The following FAM20C variants were observed in gnomAD, a reference collection of about 807,000 sequenced individuals.
FAM20C encodes FAM20C golgi associated secretory pathway kinase.
In FAM20C, 40 loss-of-function variants were observed where a neutral mutation model predicts 51.5. That is an observed-to-expected ratio of 0.78 (90% CI 0.60 to 1.01). The LOEUF is 1.01. Among genes scored for constraint, FAM20C ranks in the 50% least tolerant of loss-of-function variants. The pLI, the probability that FAM20C is intolerant of heterozygous loss-of-function variation, is 0.00. For missense variants in FAM20C, 861 were observed against 844.7 expected (o/e 1.02, Z -0.24); for synonymous variants, 406 against 380.6 (o/e 1.07, Z -0.78).
In FAM20C at chr7:229,452, G is replaced by A. The variant is rs184876901; in HGVS notation, c.864-16963G>A. On this transcript the variant is annotated intron_variant, in intron 3 of 9. Transcript: ENST00000313766. ...GCTGCAGCTGGTCCAGGTCCTGGCC[G>A]AGCCCAATGGGGCCCCTCCTGCCTG... The A allele has an allele frequency of 8.3e-3, 1,333 of 160,004 alleles. 22 individuals carry two copies. The highest frequency in any genetic ancestry group is 0.029 in the African/African-American group (1,198 of 41,588). 9.9% of individuals were successfully genotyped at this position (160,004 alleles called of 1,614,324 possible).
At position 248,531 on chromosome 7, in the gene FAM20C, T is replaced by C. The variant is rs533696074; in HGVS notation, c.1072+101T>C. 1.5e-3 allele frequency: 1,167 copies of C among 778,124 alleles called. 16 individuals are homozygous for C. In the African/African-American group the frequency reaches 0.022, roughly 15 times the overall value. The allele number at this position is 778,124 out of a possible 1,614,324, so 48.2% of individuals were successfully genotyped here. On this transcript the variant is annotated intron_variant, in intron 5 of 9. Coordinates refer to ENST00000313766, the MANE Select transcript of FAM20C (RefSeq NM_020223.4). ...GCCTGGCACGGGGAGCCCACATTCA[T>C]CTCGCCAGGTAGCCTGGCACGGGGG...
chr7:254,703 A>G (rs756024974), intron 5 of FAM20C, among the ~76,000 whole-genome samples: 12 of 152,246 alleles, frequency 7.9e-5, no homozygotes, highest in Non-Finnish European at 1.3e-4. Context: ...GTCTAAATCC[A>G]GAATGTCCTG....
chr7:258,785 C>A, intron 9 of FAM20C, 80 bp downstream of exon 9: 1 of 1,328,156 alleles, frequency 7.5e-7, no homozygotes, highest in South Asian at 1.5e-5. Context: ...CAGCCTTCCC[C>A]ACCCCACCCC....
chr7:246,797 G>A (rs1788185635), intron 4 of FAM20C, among the ~76,000 whole-genome samples: 1 of 152,170 alleles, frequency 6.6e-6, no homozygotes, highest in African/African-American at 2.4e-5. Flanking sequence ...ACGCGGTAGG[G>A]AGAGCCTTTC....
intron 3 of FAM20C, among the ~76,000 whole-genome samples, chr7:210,672 G>A (rs1000110675): frequency 2.0e-5 from 3 of 152,116 alleles, no homozygotes; most frequent in Non-Finnish European, 4.4e-5. Context: ...GGGTGGCCCC[G>A]TCACGCCGAG....
intron 2 of FAM20C, among the ~76,000 whole-genome samples, chr7:206,481 C>G (rs112688684): frequency 0.075 from 10,388 of 139,112 alleles, 773 homozygotes; most frequent in East Asian, 0.19. Context: ...GCCCTGGTCC[C>G]CTCGGCCCTG....
chr7:193,797 C>A lies in FAM20C; in HGVS notation c.598C>A (p.Pro200Thr). 6.4e-7 allele frequency: 1 copy of A among 1,555,810 alleles called. No homozygotes were observed. The highest frequency in any genetic ancestry group is 2.4e-5 in the East Asian group (1 of 41,340). Reference protein sequence around the residue: ...TRLSPKAAENPDWPHAGAEGA... With the variant: ...TRLSPKAAENTDWPHAGAEGA... ...GCTCAGCCCCAAAGCGGCGGAGAAC[C>A]CGGACTGGTGAGTGGGGGCTGGCAG... Residue 200 changes from proline (P) to threonine (T), a missense_variant, in exon 1 of 10, where the codon CCG becomes ACG. Pro to Thr is a conservative substitution (Grantham distance 38, BLOSUM62 -1). Around this residue, in one of 3 missense-constraint regions of FAM20C, gnomAD observed 561 missense variants for 499.8 expected, o/e 1.12. Transcript: ENST00000313766.
At chr7:206,298 T>C (rs1240920752) in intron 2 of FAM20C, among the ~76,000 whole-genome samples, 2 of 152,222 alleles carry the variant, frequency 1.3e-5, no homozygotes, top group East Asian at 3.8e-4. Context: ...CCACCTCCAG[T>C]GTCCACCGTT....
intron 1 of FAM20C, among the ~76,000 whole-genome samples, chr7:194,424 C>G (rs1365693764): frequency 6.6e-6 from 1 of 151,006 alleles, no homozygotes; most frequent in African/African-American, 2.4e-5. Context: ...CCCCCGGCCC[C>G]TCCCTCCGCC....
intron 3 of FAM20C, among the ~76,000 whole-genome samples, chr7:211,685 G>A (rs1439664304): frequency 6.6e-6 from 1 of 152,214 alleles, no homozygotes; most frequent in African/African-American, 2.4e-5. Context: ...GTGACGCGTG[G>A]GCTAAGCGGG....
chr7:259,034 C>G (rs1020953045), intron 9 of FAM20C, among the ~76,000 whole-genome samples: 1 of 152,250 alleles, frequency 6.6e-6, no homozygotes, highest in Admixed American at 6.5e-5. Flanking sequence ...ACGCAGCTGC[C>G]GGTCTCTGCC....
rs1187634108 is a variant in FAM20C at position 258,687 on chromosome 7, C to G, written c.1487C>G (p.Pro496Arg). The G allele has an allele frequency of 6.5e-6, 10 of 1,536,404 alleles. No individual in the cohort carries two copies. Among genetic ancestry groups the G allele is most frequent in the East Asian group, 2.4e-5 (1 of 40,936 alleles). ...YSHDELSILV[P>R]LQQCCRIRKS... is the part of the protein sequence containing the mutation. ...CACGACGAGCTCTCCATCCTGGTGC[C>G]GCTACAGCAGTGCTGCAGGTACAGC... The change falls in exon 9 of 10, where the codon CCG (proline) becomes CGG (arginine). Residue 496 changes from proline to arginine, a missense_variant. Physicochemically the swap from Pro to Arg is moderately radical, Grantham distance 103. Coordinates refer to ENST00000313766, the MANE Select transcript of FAM20C (RefSeq NM_020223.4).
At chr7:193,961 C>A in intron 1 of FAM20C, 157 bp downstream of exon 1, 1 of 1,168,368 alleles carries the variant, frequency 8.6e-7, no homozygotes, top group Non-Finnish European at 1.1e-6. Flanking sequence ...AGGGCGCTGC[C>A]TTTGTCTCCA....
At chr7:250,557 C>T (rs1788356157) in intron 5 of FAM20C, among the ~76,000 whole-genome samples, 2 of 152,192 alleles carry the variant, frequency 1.3e-5, no homozygotes, top group Non-Finnish European at 2.9e-5. Context: ...GTTTGGATGG[C>T]TTGAGCTGTC....
In FAM20C at chr7:193,703, G is replaced by A. The variant is rs1167681234; in HGVS notation, c.504G>A (p.Pro168=). The A allele has an allele frequency of 3.9e-6, 6 of 1,545,700 alleles. No homozygotes were observed. Among genetic ancestry groups the A allele is most frequent in the Admixed American group, 2.0e-5 (1 of 50,786 alleles). Residue 168 remains proline (P), a synonymous_variant, in exon 1 of 10, where the codon CCG becomes CCA. Coordinates refer to ENST00000313766, the MANE Select transcript of FAM20C (RefSeq NM_020223.4). The part of the protein sequence containing the change: ...ASLLARLFEH[P]LYRVAVPPLT... ...TCCTGGCCAGGCTGTTCGAGCACCC[G>A]CTTTACCGGGTGGCGGTTCCGCCGC...
intron 1 of FAM20C, chr7:194,116 G>C (rs1028011572): frequency 2.9e-6 from 1 of 346,380 alleles, no homozygotes; most frequent in African/African-American, 2.1e-5. Flanking sequence ...GTCAGGCAAT[G>C]AATGAATGAG....
At chr7:258,879 G>T (rs151187312) in intron 9 of FAM20C, among the ~76,000 whole-genome samples, 174 bp downstream of exon 9, 1 of 152,050 alleles carries the variant, frequency 6.6e-6, no homozygotes, top group Non-Finnish European at 1.5e-5. Context: ...GCCTGGAGGC[G>T]CAGACCTCAC....
Position 193,300 on chromosome 7 carries a change from A to G in FAM20C, c.101A>G (p.Glu34Gly), listed in dbSNP as rs991008592. ...HIALDLLPRL[E>G]RRGARPSGEP... Reference sequence around the variant, plus strand: ...GCCCTGGACCTGCTGCCCAGGCTGGAGCGACGCGGCGCGCGGCCCTCGGGG... The same window carrying G: ...GCCCTGGACCTGCTGCCCAGGCTGGGGCGACGCGGCGCGCGGCCCTCGGGG... Residue 34 changes from glutamate to glycine, a missense_variant, in exon 1 of 10, where the codon GAG (glutamate) becomes GGG (glycine). Glu to Gly is a moderately conservative substitution (Grantham distance 98). Coordinates refer to ENST00000313766, the MANE Select transcript of FAM20C (RefSeq NM_020223.4). 3.5e-6 allele frequency: 5 copies of G among 1,411,312 alleles called. No individual in the cohort carries two copies. The African/African-American group carries it at 7.6e-5, about 21-fold the overall frequency. The allele number at this position is 1,411,312 out of a possible 1,614,324, so 87.4% of individuals were successfully genotyped here.
At chr7:211,795 G>A (rs2115073367) in intron 3 of FAM20C, among the ~76,000 whole-genome samples, 1 of 152,356 alleles carries the variant, frequency 6.6e-6, no homozygotes, top group Non-Finnish European at 1.5e-5. Flanking sequence ...TACGTCCAAG[G>A]CCGTGGCGTC....
Sources: gnomAD v4.1 joint callset for allele counts (sites outside exome capture counted in the v4.1 genomes callset) on GRCh38, gnomAD v4.1.1 for gene constraint, gnomAD v4.1.1 regional missense constraint, MANE v1.5 for transcripts, NCBI Gene and HGNC (gene_info 2026-07-23, HGNC 2026-07-21) for gene names.